Variants in CDH4 observed in about 807,000 individuals in gnomAD.
The protein encoded by CDH4 is cadherin 4.
Under a neutral mutation model 86.0 loss-of-function variants are expected in CDH4, and 33 were observed. The ratio of observed to expected loss-of-function variants is 0.38; its 90% CI spans 0.29 to 0.51. The LOEUF is 0.51. Among genes scored for constraint, CDH4 ranks in the 20% least tolerant of loss-of-function variants. CDH4 has a pLI of 0.86. For missense variants in CDH4, 1,114 were observed against 1,307.4 expected (o/e 0.85, Z 2.28); for synonymous variants, 555 against 549.4 (o/e 1.01, Z -0.14).
chr20:61,847,550 T>TGCGGTGTAAACAC (rs1313013573), intron 5 of CDH4, among the ~76,000 whole-genome samples: 40 of 152,246 alleles, frequency 2.6e-4, no homozygotes, highest in Non-Finnish European at 5.6e-4. Context: ...CGTGTAAACA[T>TGCGGTGTAAACAC]GCGGTGTAAA....
chr20:61,456,863 G>A (rs2145553507), intron 2 of CDH4, among the ~76,000 whole-genome samples: 1 of 152,316 alleles, frequency 6.6e-6, no homozygotes, highest in South Asian at 2.1e-4. Context: ...AAGCTTCTGA[G>A]AATAATAGGA....
rs776739166 is a variant in CDH4, at chr20:61,873,750, G to A, written c.900G>A (p.Thr300=). ...SKPGTYVMTV[T]ANDADDSTTA... is the part of the protein sequence containing the mutation. ...CAGGCACCTACGTGATGACCGTCACGGCCAACGATGCTGACGACAGCACCA... is the reference window on the plus strand; with the variant it reads ...CAGGCACCTACGTGATGACCGTCACAGCCAACGATGCTGACGACAGCACCA... The change falls in exon 7 of 16, where the codon ACG becomes ACA. Residue 300 remains threonine (T), a synonymous_variant. Transcript: ENST00000614565. The A allele has an allele frequency of 3.2e-5, 51 of 1,613,518 alleles. 1 individual carries two copies. Among genetic ancestry groups the A allele is most frequent in the South Asian group, 2.7e-4 (25 of 91,088 alleles).
Position 61,258,661 on chromosome 20 carries a change from A to G in CDH4, c.169+3724A>G, listed in dbSNP as rs1423149065. On this transcript the variant is annotated intron_variant, in intron 2 of 15. Coordinates refer to ENST00000614565, the MANE Select transcript of CDH4 (RefSeq NM_001794.5). ...AGTAAATTTTTCTTACATAACCGTG[A>G]GTGCAGACATAGGTGGTCACATGCT... Among the ~76,000 whole-genome samples, 3 of 152,256 alleles carry G rather than the reference A, an allele frequency of 2.0e-5. No individual in the cohort carries two copies. The East Asian group carries it at 5.8e-4, about 29-fold the overall frequency.
intron 2 of CDH4, among the ~76,000 whole-genome samples, chr20:61,372,531 G>A (rs2145435650): frequency 6.6e-6 from 1 of 152,298 alleles, no homozygotes; most frequent in Middle Eastern, 3.4e-3. Flanking sequence ...TCAGTAAAGG[G>A]TGACATCCAG....
intron 2 of CDH4, among the ~76,000 whole-genome samples, chr20:61,285,436 G>A (rs1355344844): frequency 2.0e-5 from 3 of 152,312 alleles, no homozygotes; most frequent in Non-Finnish European, 2.9e-5. Context: ...AGGCCGTGGC[G>A]CATGCCTGTG....
chr20:61,484,452 A>G (rs1460515841), intron 2 of CDH4, among the ~76,000 whole-genome samples: 1 of 152,132 alleles, frequency 6.6e-6, no homozygotes, highest in Non-Finnish European at 1.5e-5. Context: ...CTGTTTCTCC[A>G]GCCTGCCCCA....
chr20:61,613,562 TC>T (rs2086701885), intron 2 of CDH4, among the ~76,000 whole-genome samples: 1 of 145,916 alleles, frequency 6.9e-6, no homozygotes, highest in East Asian at 2.0e-4. Context: ...AGGATGTGGT[TC>T]CAAAAACAAA....
At chr20:61,726,012 C>T (rs922242595) in intron 2 of CDH4, among the ~76,000 whole-genome samples, 14 of 152,196 alleles carry the variant, frequency 9.2e-5, no homozygotes, top group Non-Finnish European at 2.1e-4. Context: ...TTTCTCACCA[C>T]GTCACATGGA....
At chr20:61,551,433 C>T (rs563185839) in intron 2 of CDH4, among the ~76,000 whole-genome samples, 13 of 152,270 alleles carry the variant, frequency 8.5e-5, no homozygotes, top group South Asian at 4.1e-4. Flanking sequence ...GTAATCAGCA[C>T]GCAGATAAAG....
chr20:61,263,236 A>G (rs997540983), intron 2 of CDH4, among the ~76,000 whole-genome samples: 18 of 152,228 alleles, frequency 1.2e-4, no homozygotes, highest in African/African-American at 4.3e-4. Context: ...TTTTTCGTCA[A>G]AAGGCTCAGA....
chr20:61,805,884 C>T (rs910990701), intron 4 of CDH4, among the ~76,000 whole-genome samples: 2 of 152,196 alleles, frequency 1.3e-5, no homozygotes, highest in Admixed American at 6.5e-5. Flanking sequence ...CTTCATTGCC[C>T]GGCAGTTGCC....
chr20:61,313,909 G>GT (rs937156213), intron 2 of CDH4, among the ~76,000 whole-genome samples: 1 of 151,996 alleles, frequency 6.6e-6, no homozygotes, highest in South Asian at 2.1e-4. Context: ...GCTAATTTTT[G>GT]TTTTTTGTAG....
chr20:61,793,714 C>T (rs549753789), intron 4 of CDH4, among the ~76,000 whole-genome samples: 2 of 151,852 alleles, frequency 1.3e-5, no homozygotes, highest in African/African-American at 2.4e-5. Context: ...GTGGCAGACA[C>T]CTGTAATCCC....
intron 2 of CDH4, among the ~76,000 whole-genome samples, chr20:61,276,496 A>AGGC (rs1357186965): frequency 6.6e-6 from 1 of 152,166 alleles, no homozygotes; most frequent in African/African-American, 2.4e-5. Flanking sequence ...GAGGATTAGG[A>AGGC]GGCCGCACTT....
intron 2 of CDH4, among the ~76,000 whole-genome samples, chr20:61,400,710 C>T (rs1335469949): frequency 6.6e-6 from 1 of 152,156 alleles, no homozygotes; most frequent in Non-Finnish European, 1.5e-5. Flanking sequence ...ATGCGAGAAG[C>T]TTCTCTGGGT....
chr20:61,457,141 G>A (rs183153562), intron 2 of CDH4, among the ~76,000 whole-genome samples: 54 of 152,292 alleles, frequency 3.5e-4, no homozygotes, highest in Middle Eastern at 3.4e-3. Flanking sequence ...TCACAGACAA[G>A]CCACAGTGTT....
At chr20:61,619,172 A>G (rs2086749439) in intron 2 of CDH4, among the ~76,000 whole-genome samples, 3 of 152,124 alleles carry the variant, frequency 2.0e-5, no homozygotes, top group Admixed American at 2.0e-4. Context: ...ATGCTTTGCT[A>G]TTGAGGAGCA....
chr20:61,597,849 C>T (rs1051161434), intron 2 of CDH4, among the ~76,000 whole-genome samples: 6 of 152,134 alleles, frequency 3.9e-5, no homozygotes, highest in Admixed American at 6.5e-5. Context: ...CAGATGCAGC[C>T]GGGCGTGGAG....
chr20:61,683,246 CA>C (rs1325577493), intron 2 of CDH4, among the ~76,000 whole-genome samples: 4 of 152,116 alleles, frequency 2.6e-5, no homozygotes, highest in Non-Finnish European at 5.9e-5. Context: ...TCTTGAGATC[CA>C]TATGTTTCTT....
Sources: allele counts gnomAD v4.1 joint callset (sites outside exome capture counted in the v4.1 genomes callset), GRCh38; gene constraint gnomAD v4.1.1; transcripts MANE v1.5; gene names NCBI Gene and HGNC (gene_info 2026-07-23, HGNC 2026-07-21).